Variants in PCDHGA8 observed in about 807,000 individuals in gnomAD.
The protein encoded by PCDHGA8 is protocadherin gamma-A8.
PCDHGA8 carries 45 observed loss-of-function variants against 59.2 expected under a neutral mutation model. The observed-to-expected ratio is 0.76, with a 90% CI of 0.60 to 0.98. PCDHGA8 has a LOEUF of 0.98. Among genes scored for constraint, PCDHGA8 ranks in the 50% least tolerant of loss-of-function variants. The probability of loss-of-function intolerance (pLI) is 0.00; values close to 1 mark genes in which losing one functional copy is unlikely to be tolerated. For missense variants in PCDHGA8, 1,257 were observed against 1,196.2 expected, an observed-to-expected ratio of 1.05 and a Z score of -0.75; for synonymous variants, 531 against 519.0, an observed-to-expected ratio of 1.02 and a Z score of -0.32.
At chr5:141,453,989 A>T (rs902043628) in intron 1 of PCDHGA8, among the ~76,000 whole-genome samples, 6 of 152,256 alleles carry the variant, frequency 3.9e-5, no homozygotes, top group African/African-American at 1.4e-4. Context: ...CCTTCCAGTG[A>T]TAAACCCACA....
intron 1 of PCDHGA8, chr5:141,409,423 T>G: frequency 6.2e-7 from 1 of 1,614,026 alleles, no homozygotes; most frequent in Non-Finnish European, 8.5e-7. Context: ...TGGTGACAGA[T>G]GGAGCCCTGG....
chr5:141,398,586 A>G, intron 1 of PCDHGA8: 2 of 1,614,054 alleles, frequency 1.2e-6, no homozygotes, highest in Non-Finnish European at 1.7e-6. Flanking sequence ...CAAGATTTAT[A>G]CTAGAAGTAG....
chr5:141,403,262 G>C (rs1162911439), intron 1 of PCDHGA8: 1 of 1,613,868 alleles, frequency 6.2e-7, no homozygotes, highest in Middle Eastern at 1.6e-4. Context: ...GCGGTGTCTG[G>C]TGAACTTTAA....
At chr5:141,404,399 G>T (rs1269569845) in intron 1 of PCDHGA8, 2 of 1,613,778 alleles carry the variant, frequency 1.2e-6, no homozygotes, top group African/African-American at 1.3e-5. Context: ...TGATAGCAAT[G>T]AGAATTCTAG....
intron 1 of PCDHGA8, among the ~76,000 whole-genome samples, chr5:141,463,570 T>A (rs557041487): frequency 2.7e-5 from 4 of 146,586 alleles, no homozygotes; most frequent in Middle Eastern, 3.5e-3. Context: ...TGCCTCAGCC[T>A]CCCGAGTAGC....
At position 141,491,049 on chromosome 5, in the gene PCDHGA8, G is replaced by C; in HGVS notation, c.2425-3758G>C. The C allele has an allele frequency of 1.2e-6, 2 of 1,614,116 alleles. No homozygotes were observed. Among genetic ancestry groups the C allele is most frequent in the Admixed American group, 3.3e-5 (2 of 60,024 alleles). On this transcript the variant is annotated intron_variant, in intron 1 of 3. Transcript: ENST00000398604. This position sits in a 1 kb window ranked among gnomAD's most constrained non-coding sequence, Gnocchi z 6.9. ...TGGATGCTGATGCAGGCCACAATGC[G>C]TGGCTCTCCTACTCACTGTTGCCAC...
In PCDHGA8 at chr5:141,490,261, G is replaced by T; in HGVS notation, c.2425-4546G>T. 6.2e-7 allele frequency: 1 copy of T among 1,614,218 alleles called. No individual in the cohort carries two copies. Among genetic ancestry groups the T allele is most frequent in the Non-Finnish European group, 8.5e-7 (1 of 1,180,038 alleles). ...CCACTGTGTGATTCAAGTGGATGTG[G>T]GGGATGTCAATGACAATGCCCCAGA... On this transcript the variant is annotated intron_variant, in intron 1 of 3. Coordinates refer to ENST00000398604, the MANE Select transcript of PCDHGA8 (RefSeq NM_032088.2). The surrounding 1 kb of genome is among the most constrained non-coding windows in gnomAD (Gnocchi z 5.4).
chr5:141,400,363 T>C (rs1271706599), intron 1 of PCDHGA8: 1 of 1,613,958 alleles, frequency 6.2e-7, no homozygotes, highest in Non-Finnish European at 8.5e-7. Flanking sequence ...GACTTTGCCT[T>C]ATTCCTACAA....
At chr5:141,434,193 T>G (rs2097677103) in intron 1 of PCDHGA8, among the ~76,000 whole-genome samples, 1 of 152,246 alleles carries the variant, frequency 6.6e-6, no homozygotes, top group South Asian at 2.1e-4. Flanking sequence ...GTAATTCCAA[T>G]GTACTTACTT....
chr5:141,509,371 T>C (rs2099876508), intron 3 of PCDHGA8, among the ~76,000 whole-genome samples: 1 of 152,258 alleles, frequency 6.6e-6, no homozygotes, highest in South Asian at 2.1e-4. Context: ...AGGTTTTAAC[T>C]GTCTCCTAAC....
chr5:141,392,803 G>A lies in PCDHGA8; in HGVS notation c.-11G>A. The A allele has an allele frequency of 6.4e-7, 1 of 1,573,156 alleles. No individual in the cohort carries two copies. On this transcript the variant is annotated 5_prime_UTR_variant, in exon 1 of 4. Coordinates refer to ENST00000398604, the MANE Select transcript of PCDHGA8 (RefSeq NM_032088.2). Reference sequence around the variant, plus strand: ...GTGAAGATTCTGAGAGGATTCTGCAGCAAAACAACAATGGCCGCTCCACAG... The same window carrying A: ...GTGAAGATTCTGAGAGGATTCTGCAACAAAACAACAATGGCCGCTCCACAG...
chr5:141,433,328 G>C, intron 1 of PCDHGA8: 1 of 724,580 alleles, frequency 1.4e-6, no homozygotes, highest in Non-Finnish European at 2.3e-6. Context: ...GGTGTAACAG[G>C]GACTACAGGT....
At chr5:141,417,887 C>T in intron 1 of PCDHGA8, 2 of 1,564,888 alleles carry the variant, frequency 1.3e-6, no homozygotes, top group Non-Finnish European at 1.7e-6. Flanking sequence ...GCAGAGGCGC[C>T]GGGCCGGCCC....
Position 141,394,883 on chromosome 5 carries a change from ACT to A in PCDHGA8, c.2073_2074del (p.Tyr692SerfsTer52), listed in dbSNP as rs1415060925. The A allele has an allele frequency of 2.5e-6, 4 of 1,611,604 alleles. No individual in the cohort carries two copies. Among genetic ancestry groups the A allele is most frequent in the Admixed American group, 1.7e-5 (1 of 59,784 alleles). ...TCGACCCGAACGATTCGAGCCTTAC[ACT>A]CTATCTCGTGGTGGCAGTGGCTGCC... ...SVDPNDSSLT[L>X]YLVVAVAAIS... On this transcript the variant is annotated frameshift_variant, in exon 1 of 4. Transcript: ENST00000398604. LOFTEE classifies it high-confidence loss of function.
At chr5:141,458,854 T>G (rs2098955098) in intron 1 of PCDHGA8, among the ~76,000 whole-genome samples, 1 of 152,182 alleles carries the variant, frequency 6.6e-6, no homozygotes, top group South Asian at 2.1e-4. Flanking sequence ...CACCTCAGCC[T>G]TCCAAGTAGC....
chr5:141,419,759 G>A (rs1179602962), intron 1 of PCDHGA8: 2 of 1,614,004 alleles, frequency 1.2e-6, no homozygotes, highest in Admixed American at 3.3e-5. Context: ...TGCTTTGGGT[G>A]ACAAGGACTC....
chr5:141,439,904 C>T (rs1175032042), intron 1 of PCDHGA8: 2 of 152,364 alleles, frequency 1.3e-5, no homozygotes, highest in East Asian at 1.9e-4. Context: ...GCGACTACTG[C>T]CTCCTTTCCT....
chr5:141,420,415 T>G, intron 1 of PCDHGA8: 1 of 1,217,298 alleles, frequency 8.2e-7, no homozygotes, highest in Non-Finnish European at 1.1e-6. Flanking sequence ...TTATCATTAT[T>G]AAAACAAAAG....
intron 3 of PCDHGA8, among the ~76,000 whole-genome samples, chr5:141,509,069 G>A (rs1463164307): frequency 2.6e-5 from 4 of 152,174 alleles, no homozygotes; most frequent in African/African-American, 9.7e-5. Context: ...CTCAGCTCCG[G>A]GGATTTGCGA....
Sources: allele counts gnomAD v4.1 joint callset (sites outside exome capture counted in the v4.1 genomes callset), GRCh38; gene constraint gnomAD v4.1.1; non-coding constraint Gnocchi (gnomAD v3.1); transcripts MANE v1.5; gene names NCBI Gene and HGNC (gene_info 2026-07-23, HGNC 2026-07-21).